AKAP3: variants seen among roughly 807,000 people sequenced by gnomAD.
AKAP3 encodes A-kinase anchor protein 3.
AKAP3 carries 27 observed loss-of-function variants against 57.2 expected under a neutral mutation model. That is an observed-to-expected ratio of 0.47 (90% CI 0.35 to 0.65). The LOEUF is 0.65. AKAP3 is among the 30% of genes least tolerant of loss of function. The pLI is 0.01. For synonymous variants in AKAP3, 334 were observed against 392.3 expected (o/e 0.85, Z 1.76); for missense variants, 959 against 1,040.0 (o/e 0.92, Z 1.07).
chr12:4,618,128 A>G (rs995630449), intron 5 of AKAP3, among the ~76,000 whole-genome samples: 7 of 152,250 alleles, frequency 4.6e-5, no homozygotes, highest in African/African-American at 1.7e-4. Context: ...GTAAACTTCA[A>G]ACATATCCAT....
rs769260852 is a variant in AKAP3 at position 4,627,900 on chromosome 12, G to A, written c.1002C>T (p.Ile334=). 48 of 1,614,014 alleles carry A rather than the reference G, an allele frequency of 3.0e-5. No homozygotes were observed. Among genetic ancestry groups the A allele is most frequent in the East Asian group, 8.9e-5 (4 of 44,880 alleles). The part of the protein sequence containing the change: ...KHAKEVVSDL[I]DSFLRNLHSV... The stretch of plus-strand genomic sequence containing the variant: ...TGTGGAGATTCCTCAAGAAGGAGTC[G>A]ATGAGATCCGAGACCACCTCTTTTG... Residue 334 remains isoleucine (I), a synonymous_variant, in exon 5 of 6, where the codon ATC becomes ATT. Transcript: ENST00000228850.
chr12:4,643,221 G>T (rs1278501111), intron 2 of AKAP3, among the ~76,000 whole-genome samples: 1 of 152,114 alleles, frequency 6.6e-6, no homozygotes, highest in Non-Finnish European at 1.5e-5. Flanking sequence ...GCTGCATCAT[G>T]AAGCTTGTTT....
In AKAP3 at chr12:4,638,181, C is replaced by CA; in HGVS notation, c.15dup (p.Asp6Ter). 1 of 1,610,868 alleles carries CA rather than the reference C, an allele frequency of 6.2e-7. No homozygotes were observed. The highest frequency in any genetic ancestry group is 8.5e-7 in the Non-Finnish European group (1 of 1,178,688). ...ACTCCATTTTGGCTTTGTAACCAGT[C>CA]AACCTTTTCTGACATCTGGAAGCAG... On this transcript the variant is annotated frameshift_variant, in exon 4 of 6. Coordinates refer to ENST00000228850, the MANE Select transcript of AKAP3 (RefSeq NM_001278309.2). LOFTEE classifies it high-confidence loss of function.
Position 4,626,604 on chromosome 12 carries a change from G to A in AKAP3, c.2298C>T (p.Asp766=), listed in dbSNP as rs34392018. 44,446 of 1,614,200 alleles carry A rather than the reference G, an allele frequency of 0.028. 710 individuals carry two copies. Among genetic ancestry groups the A allele is most frequent in the Non-Finnish European group, 0.031 (36,000 of 1,180,030 alleles). ...TVIVSNHNLT[D]TVQNKQLQAV... is the part of the protein sequence containing the mutation. ...CTTGGAGTTGCTTGTTCTGAACTGT[G>A]TCCGTTAGGTTGTGATTGCTGACAA... Residue 766 remains aspartate, a synonymous_variant, in exon 5 of 6, where the codon GAC becomes GAT. Transcript: ENST00000228850.
At chr12:4,629,351 T>C (rs1438767290) in intron 4 of AKAP3, among the ~76,000 whole-genome samples, 1 of 152,210 alleles carries the variant, frequency 6.6e-6, no homozygotes, top group Non-Finnish European at 1.5e-5. Context: ...CAGTTGATCA[T>C]TGATGGGCAT....
At chr12:4,642,644 T>C (rs186731927) in intron 2 of AKAP3, among the ~76,000 whole-genome samples, 6 of 152,364 alleles carry the variant, frequency 3.9e-5, no homozygotes, top group Non-Finnish European at 7.3e-5. Context: ...AGATACCTAA[T>C]GAATGTGATT....
chr12:4,635,489 T>A (rs758041687), intron 4 of AKAP3: 6 of 669,760 alleles, frequency 9.0e-6, no homozygotes, highest in African/African-American at 2.0e-5. Flanking sequence ...TTACATTCAC[T>A]GATGTTTAGC....
Position 4,627,369 on chromosome 12 carries a change from C to A in AKAP3, c.1533G>T (p.Glu511Asp). 1 of 1,614,028 alleles carries A rather than the reference C, an allele frequency of 6.2e-7. No homozygotes were observed. Among genetic ancestry groups the A allele is most frequent in the African/African-American group, 1.3e-5 (1 of 74,990 alleles). ...GNLSLPPYPP[E>D]KPENFMYDSD... ...AATCATACATAAAATTCTCAGGTTT[C>A]TCTGGAGGATATGGAGGAAGGCTGA... is the stretch of plus-strand genomic sequence containing the variant. The change falls in exon 5 of 6, where the codon GAG (glutamate) becomes GAT (aspartate). Residue 511 changes from glutamate to aspartate, a missense_variant. Physicochemically the swap from Glu to Asp is conservative, Grantham distance 45 (BLOSUM62 2). Coordinates refer to ENST00000228850, the MANE Select transcript of AKAP3 (RefSeq NM_001278309.2).
At position 4,615,856 on chromosome 12, in the gene AKAP3, G is replaced by A. The variant is rs149645751; in HGVS notation, c.2445C>T (p.Cys815=). 7 of 1,614,212 alleles carry A rather than the reference G, an allele frequency of 4.3e-6. No homozygotes were observed. In the African/African-American group the frequency reaches 9.3e-5, roughly 22 times the overall value. ...CCGACTGCAGAACCTCGCCCACACTGCATCCTTTGTCCACAGCAGCAGCTG... is the reference window on the plus strand; with the variant it reads ...CCGACTGCAGAACCTCGCCCACACTACATCCTTTGTCCACAGCAGCAGCTG... ...QLSAAAVDKG[C]SVGEVLQSVL... Residue 815 remains cysteine (C), a synonymous_variant, in exon 6 of 6, where the codon TGC becomes TGT. Transcript: ENST00000228850.
At chr12:4,638,026 T>A in intron 4 of AKAP3, 75 bp downstream of exon 4, 1 of 1,228,764 alleles carries the variant, frequency 8.1e-7, no homozygotes, top group African/African-American at 1.5e-5. Context: ...GGTGGTATGG[T>A]GGAGAGAATA....
chr12:4,634,862 T>C (rs1400125888), intron 4 of AKAP3, among the ~76,000 whole-genome samples: 6 of 152,182 alleles, frequency 3.9e-5, no homozygotes, highest in African/African-American at 9.7e-5. Flanking sequence ...GGAATGTTCA[T>C]TTAAAATACT....
chr12:4,615,598 A>C lies in AKAP3; in HGVS notation c.*141T>G, dbSNP rs1380452683. 1 of 1,088,746 alleles carries C rather than the reference A, an allele frequency of 9.2e-7. No individual in the cohort carries two copies. The highest frequency in any genetic ancestry group is 2.7e-5 in the East Asian group (1 of 37,482). 67.4% of individuals were successfully genotyped at this position (1,088,746 alleles called of 1,614,324 possible). ...AAAATCCAGTGGCTAGCACAAGATG[A>C]CATGTCTTTGATGAGAGTGGTGTGA... On this transcript the variant is annotated 3_prime_UTR_variant, in exon 6 of 6. Coordinates refer to ENST00000228850, the MANE Select transcript of AKAP3 (RefSeq NM_001278309.2).
intron 5 of AKAP3, among the ~76,000 whole-genome samples, chr12:4,616,554 A>ACTTTT (rs1308377425): frequency 6.6e-6 from 1 of 152,270 alleles, no homozygotes; most frequent in African/African-American, 2.4e-5. Flanking sequence ...GGGCAGGCAA[A>ACTTTT]TAAACACACC....
intron 1 of AKAP3, among the ~76,000 whole-genome samples, chr12:4,646,127 T>G (rs1175736477): frequency 6.6e-6 from 1 of 152,184 alleles, no homozygotes; most frequent in Non-Finnish European, 1.5e-5. Flanking sequence ...TTTTATCATT[T>G]GCAATGCCTG....
chr12:4,618,319 T>C (rs1040358448), intron 5 of AKAP3, among the ~76,000 whole-genome samples: 1 of 152,216 alleles, frequency 6.6e-6, no homozygotes, highest in Non-Finnish European at 1.5e-5. Context: ...CTAACATTTA[T>C]GGTCAATAGG....
intron 4 of AKAP3, among the ~76,000 whole-genome samples, chr12:4,633,381 T>C (rs891813599): frequency 1.3e-5 from 2 of 152,256 alleles, no homozygotes; most frequent in Admixed American, 1.3e-4. Context: ...GCTGTGTTTA[T>C]GGGTTTTTAA....
rs368972285 is a variant in AKAP3 at position 4,621,009 on chromosome 12, C to CTTCT, written c.2407-5119_2407-5116dup. 8.7e-3 allele frequency among the ~76,000 whole-genome samples: 1,318 copies of CTTCT among 152,108 alleles called. 15 individuals carry two copies. Among genetic ancestry groups the CTTCT allele is most frequent in the African/African-American group, 0.03 (1,232 of 41,474 alleles). On this transcript the variant is annotated intron_variant, in intron 5 of 5. Coordinates refer to ENST00000228850, the MANE Select transcript of AKAP3 (RefSeq NM_001278309.2). ...CATGAGTGTTACTTACCCTGAAGAC[C>CTTCT]TTCTAATGGGAGAACATGCAGAGGT...
intron 3 of AKAP3, 36 bp downstream of exon 3, chr12:4,641,863 A>T (rs1012874980): frequency 6.6e-6 from 1 of 152,234 alleles, no homozygotes; most frequent in Non-Finnish European, 1.5e-5. Context: ...GCTGACAATT[A>T]TGTACAAAAA....
chr12:4,627,182 TAAGGC>T lies in AKAP3; in HGVS notation c.1715_1719del (p.Cys572Ter). ...TGGTCACCTACAATGGGAGCAGACT[TAAGGC>T]AAGATTCATCGGGAGCTACAGGAGG... On this transcript the variant is annotated frameshift_variant, in exon 5 of 6. Transcript: ENST00000228850. LOFTEE classifies it high-confidence loss of function. 6.2e-7 allele frequency: 1 copy of T among 1,614,110 alleles called. No individual in the cohort carries two copies. The highest frequency in any genetic ancestry group is 8.5e-7 in the Non-Finnish European group (1 of 1,180,018).
Sources: allele counts gnomAD v4.1 joint callset (sites outside exome capture counted in the v4.1 genomes callset), GRCh38; gene constraint gnomAD v4.1.1; transcripts MANE v1.5; gene names NCBI Gene and HGNC (gene_info 2026-07-23, HGNC 2026-07-21).